Variants in PTPN13 observed in about 807,000 individuals in gnomAD.
PTPN13 encodes protein tyrosine phosphatase non-receptor type 13.
PTPN13 carries 191 observed loss-of-function variants against 284.0 expected under a neutral mutation model. That is an observed-to-expected ratio of 0.67 (90% confidence interval 0.60 to 0.76). The LOEUF is 0.76. Ranked by LOEUF, PTPN13 falls within the 30% of genes least tolerant of loss-of-function variation. The pLI is 0.00. For missense variants in PTPN13, 2,797 were observed against 2,939.9 expected, an observed-to-expected ratio of 0.95 and a Z score of 1.12; for synonymous variants, 986 against 1,022.3, an observed-to-expected ratio of 0.96 and a Z score of 0.68.
At chr4:86,703,394 T>G (rs929148584) in intron 7 of PTPN13, among the ~76,000 whole-genome samples, 3 of 151,700 alleles carry the variant, frequency 2.0e-5, no homozygotes, top group African/African-American at 7.3e-5. Context: ...CTGTCAAGCA[T>G]GCCCTCATGG....
chr4:86,766,469 A>C lies in PTPN13; in HGVS notation c.4281A>C (p.Glu1427Asp). Residue 1427 changes from glutamate (E) to aspartate (D), a missense_variant, in exon 27 of 48, where the codon GAA becomes GAC. By Grantham distance (45) the Glu-to-Asp change is conservative. Transcript: ENST00000411767. ...TAGCTGTCAATGGAGTTAGTCTAGAAGGAGCCACCCATAAGCAAGCTGTGG... is the reference window on the plus strand; with the variant it reads ...TAGCTGTCAATGGAGTTAGTCTAGACGGAGCCACCCATAAGCAAGCTGTGG... ...RVLAVNGVSLEGATHKQAVET... is the reference protein window; with the variant it reads ...RVLAVNGVSLDGATHKQAVET... 6.2e-7 allele frequency: 1 copy of C among 1,610,488 alleles called. No homozygotes were observed.
chr4:86,801,173 A>G (rs1277741103), intron 42 of PTPN13, among the ~76,000 whole-genome samples: 1 of 152,222 alleles, frequency 6.6e-6, no homozygotes, highest in Non-Finnish European at 1.5e-5. Flanking sequence ...AGCTCTTCTA[A>G]GATAGTTGAC....
intron 2 of PTPN13, among the ~76,000 whole-genome samples, chr4:86,641,363 G>T (rs535983262): frequency 7.9e-5 from 12 of 151,988 alleles, no homozygotes; most frequent in Admixed American, 7.9e-4. Flanking sequence ...CTTGTACGTT[G>T]TTCCTGTTTC....
chr4:86,601,961 A>AG (rs1161884516), intron 1 of PTPN13, among the ~76,000 whole-genome samples: 2 of 152,324 alleles, frequency 1.3e-5, no homozygotes, highest in East Asian at 3.9e-4. Flanking sequence ...CAGGCAACTT[A>AG]GGGGAATAGT....
chr4:86,595,841 AG>A (rs1004885918), intron 1 of PTPN13: 1 of 765,930 alleles, frequency 1.3e-6, no homozygotes, highest in African/African-American at 1.9e-5. Context: ...AGTTTACTAA[AG>A]GATGGGGGGG....
intron 6 of PTPN13, among the ~76,000 whole-genome samples, chr4:86,694,662 T>A (rs1339243157): frequency 6.6e-6 from 1 of 151,882 alleles, no homozygotes; most frequent in Non-Finnish European, 1.5e-5. Flanking sequence ...TGACAATTTA[T>A]TTTTCATTGC....
chr4:86,631,225 G>T (rs746972985), intron 1 of PTPN13, among the ~76,000 whole-genome samples: 4 of 152,082 alleles, frequency 2.6e-5, no homozygotes, highest in Non-Finnish European at 5.9e-5. Flanking sequence ...AAAAATTTTT[G>T]TAACTAATTC....
chr4:86,685,874 T>G (rs1729394222), intron 3 of PTPN13, among the ~76,000 whole-genome samples: 1 of 152,226 alleles, frequency 6.6e-6, no homozygotes, highest in Non-Finnish European at 1.5e-5. Context: ...AAAATCCATT[T>G]AAGAGAAATA....
intron 7 of PTPN13, among the ~76,000 whole-genome samples, chr4:86,712,770 T>C (rs749729321): frequency 1.1e-4 from 16 of 151,964 alleles, no homozygotes; most frequent in Non-Finnish European, 2.1e-4. Context: ...GAAGAGAAAA[T>C]GATTTATTAT....
chr4:86,809,335 G>A (rs1171967772), intron 45 of PTPN13, among the ~76,000 whole-genome samples: 1 of 152,184 alleles, frequency 6.6e-6, no homozygotes, highest in Non-Finnish European at 1.5e-5. Context: ...GAGCCATTTA[G>A]TTTCTTCCAC....
At chr4:86,614,757 T>C (rs1012911162) in intron 1 of PTPN13, among the ~76,000 whole-genome samples, 1 of 152,164 alleles carries the variant, frequency 6.6e-6, no homozygotes, top group African/African-American at 2.4e-5. Context: ...CAGTAAAGTA[T>C]TGTTGATTTT....
At chr4:86,788,109 G>T (rs1207382736) in intron 40 of PTPN13, among the ~76,000 whole-genome samples, 1 of 152,162 alleles carries the variant, frequency 6.6e-6, no homozygotes, top group Non-Finnish European at 1.5e-5. Flanking sequence ...TAGGAAAGGA[G>T]TAACAGGGAT....
At chr4:86,624,963 G>A (rs947982193) in intron 1 of PTPN13, among the ~76,000 whole-genome samples, 3 of 152,104 alleles carry the variant, frequency 2.0e-5, no homozygotes, top group Non-Finnish European at 4.4e-5. Context: ...CACATGGGCA[G>A]GTATATGAAG....
Position 86,734,284 on chromosome 4 carries a change from T to C in PTPN13, c.1859-19T>C. Reference sequence around the variant, plus strand: ...AGTATTTTTTTATTTTATCTGAATATTTTTCTCATTCTGTTTAGATAATGA... The same window carrying C: ...AGTATTTTTTTATTTTATCTGAATACTTTTCTCATTCTGTTTAGATAATGA... On this transcript the variant is annotated intron_variant, in intron 12 of 47. Coordinates refer to ENST00000411767, the MANE Select transcript of PTPN13 (RefSeq NM_080683.3). 10 of 1,419,282 alleles carry C rather than the reference T, an allele frequency of 7.0e-6. No individual in the cohort carries two copies. Among genetic ancestry groups the C allele is most frequent in the Non-Finnish European group, 9.4e-6 (10 of 1,065,714 alleles). 87.9% of individuals were successfully genotyped at this position (1,419,282 alleles called of 1,614,324 possible).
intron 6 of PTPN13, among the ~76,000 whole-genome samples, chr4:86,695,937 C>G (rs547430684): frequency 6.6e-5 from 10 of 152,014 alleles, no homozygotes; most frequent in Middle Eastern, 3.4e-3. Flanking sequence ...ATCCTATCTC[C>G]CTTTCCAGTG....
chr4:86,672,604 A>G lies in PTPN13; in HGVS notation c.294+61A>G, dbSNP rs1727836260. 7 of 1,327,596 alleles carry G rather than the reference A, an allele frequency of 5.3e-6. No homozygotes were observed. In the Admixed American group the frequency reaches 1.6e-4, roughly 30 times the overall value. The allele number at this position is 1,327,596 out of a possible 1,614,324, so 82.2% of individuals were successfully genotyped here. A position where few individuals can be genotyped will look rare whatever the true frequency, so the allele number is the denominator to read the frequency against. On this transcript the variant is annotated intron_variant, in intron 3 of 47. Transcript: ENST00000411767. Reference sequence around the variant, plus strand: ...GGGTGGGGATAGGTCAAATAAAGACAATGGGCTACCATGTTTCAACCCTCT... The same window carrying G: ...GGGTGGGGATAGGTCAAATAAAGACGATGGGCTACCATGTTTCAACCCTCT...
chr4:86,638,872 C>A (rs1222460450), intron 2 of PTPN13, among the ~76,000 whole-genome samples: 1 of 152,162 alleles, frequency 6.6e-6, no homozygotes, highest in African/African-American at 2.4e-5. Context: ...GCAAAAGAAA[C>A]TACCATCAGG....
intron 1 of PTPN13, among the ~76,000 whole-genome samples, chr4:86,619,137 G>A (rs1199411318): frequency 1.3e-5 from 2 of 152,136 alleles, no homozygotes; most frequent in Non-Finnish European, 2.9e-5. Flanking sequence ...TCAGCCACGC[G>A]ATCACAAGGG....
chr4:86,811,226 C>T (rs1745187564), intron 47 of PTPN13, 118 bp downstream of exon 47: 6 of 915,578 alleles, frequency 6.6e-6, no homozygotes, highest in Non-Finnish European at 9.3e-6. Context: ...TAAAACCAAA[C>T]ATTTACTGCA....
Sources: gnomAD v4.1 joint callset for allele counts (sites outside exome capture counted in the v4.1 genomes callset) on GRCh38, gnomAD v4.1.1 for gene constraint, MANE v1.5 for transcripts, NCBI Gene and HGNC (gene_info 2026-07-23, HGNC 2026-07-21) for gene names.